The following APBA2 variants were observed in gnomAD, a reference collection of about 807,000 sequenced individuals.
APBA2 encodes the protein amyloid beta precursor protein binding family A member 2.
In APBA2, 30 loss-of-function variants were observed where a neutral mutation model predicts 75.0. That is an observed-to-expected ratio of 0.40 (90% confidence interval 0.30 to 0.54). The LOEUF is 0.54. Among genes scored for constraint, APBA2 ranks in the 20% least tolerant of loss-of-function variants. The pLI, the probability that APBA2 is intolerant of heterozygous loss-of-function variation, is 0.49. For missense variants in APBA2, 801 were observed against 1,016.1 expected, an observed-to-expected ratio of 0.79 and a Z score of 2.88; for synonymous variants, 444 against 409.6, an observed-to-expected ratio of 1.08 and a Z score of -1.01.
chr15:29,037,344 T>G (rs938768671), intron 3 of APBA2, among the ~76,000 whole-genome samples: 1 of 152,112 alleles, frequency 6.6e-6, no homozygotes, highest in African/African-American at 2.4e-5. Flanking sequence ...TGGGTGGGTG[T>G]GTAGCCACCG....
chr15:28,897,604 C>T (rs373218284), intron 1 of APBA2, among the ~76,000 whole-genome samples: 6 of 108,396 alleles, frequency 5.5e-5, no homozygotes, highest in Admixed American at 4.0e-4. Context: ...GGCAACAGAG[C>T]GAGATTCCGT....
At chr15:28,997,325 T>A (rs2038582263) in intron 3 of APBA2, among the ~76,000 whole-genome samples, 1 of 152,204 alleles carries the variant, frequency 6.6e-6, no homozygotes, top group Admixed American at 6.5e-5. Flanking sequence ...AGCTGGAGTG[T>A]TTACTGAAAT....
At position 28,903,378 on chromosome 15, in the gene APBA2, A is replaced by G. The variant is rs189237035; in HGVS notation, c.-205+17100A>G. 4.2e-4 allele frequency among the ~76,000 whole-genome samples: 64 copies of G among 152,292 alleles called. 2 individuals are homozygous for G. The highest frequency in any genetic ancestry group is 4.2e-3 in the Admixed American group (64 of 15,304). On this transcript the variant is annotated intron_variant, in intron 1 of 14. Transcript: ENST00000683413. ...CAACATCTTCATGAACTGGGCTGGCACCTGAGCATTTATGGCCATGGCCTA... is the reference window on the plus strand; with the variant it reads ...CAACATCTTCATGAACTGGGCTGGCGCCTGAGCATTTATGGCCATGGCCTA...
intron 3 of APBA2, among the ~76,000 whole-genome samples, chr15:29,001,232 G>T (rs562564643): frequency 1.5e-4 from 22 of 151,262 alleles, no homozygotes; most frequent in African/African-American, 5.3e-4. Context: ...TATTTTTTTT[G>T]AGACAGGGTC....
In APBA2 at chr15:29,117,222, G is replaced by A. The variant is rs1215064993; in HGVS notation, c.*89G>A. 4.7e-6 allele frequency: 6 copies of A among 1,266,492 alleles called. No homozygotes were observed. The highest frequency in any genetic ancestry group is 1.5e-5 in the African/African-American group (1 of 67,752). 78.5% of individuals were successfully genotyped at this position (1,266,492 alleles called of 1,614,324 possible). A position where few individuals can be genotyped will look rare whatever the true frequency, so the allele number is the denominator to read the frequency against. On this transcript the variant is annotated 3_prime_UTR_variant, in exon 15 of 15. Transcript: ENST00000683413. ...GGAGCCGGGCCGCAGACTTGACCCCGACGCCACAGCCCAGCCACGGACGCT... is the reference window on the plus strand; with the variant it reads ...GGAGCCGGGCCGCAGACTTGACCCCAACGCCACAGCCCAGCCACGGACGCT...
intron 2 of APBA2, among the ~76,000 whole-genome samples, chr15:28,965,275 T>A (rs2036681715): frequency 6.6e-6 from 1 of 152,218 alleles, no homozygotes; most frequent in South Asian, 2.1e-4. Context: ...ACAAATCAGT[T>A]GGGCATATTT....
chr15:29,045,069 T>TCTCTCTCTCTCTCTC (rs2041238928), intron 3 of APBA2, among the ~76,000 whole-genome samples: 5 of 82,856 alleles, frequency 6.0e-5, no homozygotes, highest in African/African-American at 3.5e-4. Flanking sequence ...CCCTCCCTCC[T>TCTCTCTCTCTCTCTC]TCTCTCTCTC....
At position 29,045,103 on chromosome 15, in the gene APBA2, C is replaced by CTCTCTCTCTCTCTCTCTCTTTCTT. The variant is rs57446098; in HGVS notation, c.-40-8742_-40-8741insTCTCTCTCTCTCTCTCTCTTTCTT. ...TCTCTCTCTCTCTCTCTCTCTCTCTCGTCTCGCACTGTCACCTGGGCTGGA... is the reference window on the plus strand; with the variant it reads ...TCTCTCTCTCTCTCTCTCTCTCTCTCTCTCTCTCTCTCTCTCTCTTTCTTGTCTCGCACTGTCACCTGGGCTGGA... On this transcript the variant is annotated intron_variant, in intron 3 of 14. Transcript: ENST00000683413. Among the ~76,000 whole-genome samples the CTCTCTCTCTCTCTCTCTCTTTCTT allele has an allele frequency of 1.4e-3, 190 of 140,398 alleles. 2 individuals carry two copies. Among genetic ancestry groups the CTCTCTCTCTCTCTCTCTCTTTCTT allele is most frequent in the African/African-American group, 4.8e-3 (177 of 36,524 alleles). The allele number at this position is 140,398 out of a possible 152,430, so 92.1% of individuals were successfully genotyped here.
chr15:29,101,814 T>TCC (rs1374837890), intron 10 of APBA2, 30 bp downstream of exon 10: 2 of 1,604,970 alleles, frequency 1.2e-6, no homozygotes, highest in Non-Finnish European at 1.7e-6. Context: ...GGCACTCCCC[T>TCC]CCCAAAGTTC....
chr15:29,034,238 C>T (rs183726374), intron 3 of APBA2, among the ~76,000 whole-genome samples: 9 of 152,280 alleles, frequency 5.9e-5, no homozygotes, highest in African/African-American at 2.2e-4. Flanking sequence ...CAATATCTAG[C>T]CTTCCCAGAA....
intron 2 of APBA2, 26 bp downstream of exon 2, chr15:28,921,775 A>G (rs932421444): frequency 6.6e-6 from 1 of 152,304 alleles, no homozygotes; most frequent in South Asian, 2.1e-4. Context: ...TATGATCCCC[A>G]CTGCACTTAA....
intron 1 of APBA2, among the ~76,000 whole-genome samples, chr15:28,914,633 G>A (rs1410980164): frequency 1.3e-3 from 195 of 152,104 alleles, no homozygotes; most frequent in African/African-American, 4.6e-3. Flanking sequence ...GACTGGTCCT[G>A]CCCGCGCACC....
At chr15:29,055,189 C>T (rs1032005237) in intron 4 of APBA2, among the ~76,000 whole-genome samples, 7 of 152,158 alleles carry the variant, frequency 4.6e-5, no homozygotes, top group Admixed American at 4.6e-4. Flanking sequence ...CCTCAATCCT[C>T]AGGGGTGTAC....
chr15:29,073,896 T>C (rs2042733135), intron 4 of APBA2, among the ~76,000 whole-genome samples: 1 of 152,188 alleles, frequency 6.6e-6, no homozygotes, highest in Admixed American at 6.5e-5. Context: ...CAGTTGTAGT[T>C]TGGTGTCTTC....
At chr15:28,958,729 T>C (rs966310361) in intron 2 of APBA2, among the ~76,000 whole-genome samples, 1 of 152,166 alleles carries the variant, frequency 6.6e-6, no homozygotes, top group African/African-American at 2.4e-5. Context: ...CCAGAGCTGT[T>C]TACATTTCAG....
At chr15:28,917,653 A>C (rs1255416467) in intron 1 of APBA2, among the ~76,000 whole-genome samples, 3 of 151,402 alleles carry the variant, frequency 2.0e-5, no homozygotes, top group Non-Finnish European at 2.9e-5. Context: ...TTGATGGGGC[A>C]GTATTATTAT....
intron 10 of APBA2, among the ~76,000 whole-genome samples, chr15:29,104,219 C>A (rs577735064): frequency 9.8e-5 from 15 of 152,346 alleles, no homozygotes; most frequent in African/African-American, 3.6e-4. Flanking sequence ...TAGGAGTTTG[C>A]TGGGGGCGCC....
chr15:28,932,448 G>A (rs1566811479), intron 2 of APBA2, among the ~76,000 whole-genome samples: 1 of 152,188 alleles, frequency 6.6e-6, no homozygotes, highest in Non-Finnish European at 1.5e-5. Context: ...GACAATGCAG[G>A]TGGGCCTAGT....
intron 10 of APBA2, 70 bp downstream of exon 10, chr15:29,101,854 G>A (rs751388381): frequency 7.8e-6 from 12 of 1,529,642 alleles, no homozygotes; most frequent in East Asian, 2.4e-5. Flanking sequence ...GGATCCAGGC[G>A]CTGTGGAAAC....
Sources: allele counts gnomAD v4.1 joint callset (sites outside exome capture counted in the v4.1 genomes callset), GRCh38; gene constraint gnomAD v4.1.1; transcripts MANE v1.5; gene names NCBI Gene and HGNC (gene_info 2026-07-23, HGNC 2026-07-21).